MYO9A: variants seen among roughly 807,000 people sequenced by gnomAD.
The protein encoded by MYO9A is myosin IXA.
A neutral mutation model predicts 293.3 loss-of-function variants in MYO9A; 103 were observed. The ratio of observed to expected loss-of-function variants is 0.35; its 90% CI spans 0.30 to 0.41. The LOEUF (loss-of-function observed/expected upper bound fraction) is 0.41. MYO9A is among the 10% of genes least tolerant of loss of function. MYO9A has a pLI of 1.00. For missense variants in MYO9A, 2,685 were observed against 3,033.0 expected, an observed-to-expected ratio of 0.89 and a Z score of 2.69; for synonymous variants, 1,001 against 1,035.7, an observed-to-expected ratio of 0.97 and a Z score of 0.64.
At chr15:72,103,335 GCAGAAGCAGCAGCAAGCAGAGA>G (rs1474925051) in intron 1 of MYO9A, among the ~76,000 whole-genome samples, 4 of 149,020 alleles carry the variant, frequency 2.7e-5, no homozygotes, top group Admixed American at 2.7e-4. Flanking sequence ...AGCAGCAGAA[GCAGAAGCAGCAGCAAGCAGAGA>G]CAGAAGCAGC....
At chr15:71,948,178 T>C (rs2058965536) in intron 15 of MYO9A, among the ~76,000 whole-genome samples, 2 of 152,268 alleles carry the variant, frequency 1.3e-5, no homozygotes, top group African/African-American at 4.8e-5. Context: ...TATCAATTTG[T>C]GGACATATTT....
chr15:71,932,270 A>G (rs936519630), intron 18 of MYO9A, among the ~76,000 whole-genome samples: 1 of 151,948 alleles, frequency 6.6e-6, no homozygotes, highest in Non-Finnish European at 1.5e-5. Context: ...ATCTTGGGGG[A>G]AAAAAGTGGG....
Position 71,933,652 on chromosome 15 carries a change from A to C in MYO9A, c.2562+18T>G. 6.3e-7 allele frequency: 1 copy of C among 1,598,514 alleles called. No individual in the cohort carries two copies. The stretch of plus-strand genomic sequence containing the variant: ...TGTAGCAGAATACCAATACAAAAAA[A>C]GTTTTCATAGTACTCACCTTTGGAA... On this transcript the variant is annotated intron_variant, in intron 18 of 41. Coordinates refer to ENST00000356056, the MANE Select transcript of MYO9A (RefSeq NM_006901.4).
chr15:72,101,900 C>A (rs1343266838), intron 1 of MYO9A, among the ~76,000 whole-genome samples: 1 of 151,974 alleles, frequency 6.6e-6, no homozygotes, highest in African/African-American at 2.4e-5. Context: ...AGCGGCCCCG[C>A]CCGGGAGGTG....
chr15:71,943,734 C>T (rs62025574), intron 15 of MYO9A, among the ~76,000 whole-genome samples: 29,657 of 151,982 alleles, frequency 0.2, 3,169 homozygotes, highest in East Asian at 0.41. Flanking sequence ...ACTTGCTCTC[C>T]ACACAGATTG....
At chr15:71,982,269 C>T (rs2148016224) in intron 11 of MYO9A, among the ~76,000 whole-genome samples, 1 of 152,108 alleles carries the variant, frequency 6.6e-6, no homozygotes, top group African/African-American at 2.4e-5. Flanking sequence ...ATCTGCCCAC[C>T]TCAGCCTCCC....
At chr15:71,958,906 T>C (rs1333776354) in intron 14 of MYO9A, 2 of 152,202 alleles carry the variant, frequency 1.3e-5, no homozygotes, top group African/African-American at 2.4e-5. Flanking sequence ...ACAGATAATG[T>C]GAATAAAGTA....
intron 6 of MYO9A, among the ~76,000 whole-genome samples, chr15:72,015,172 T>C (rs2077294562): frequency 6.6e-6 from 1 of 151,726 alleles, no homozygotes. Context: ...AACAGAAAAA[T>C]ATATGCAGAG....
intron 1 of MYO9A, among the ~76,000 whole-genome samples, chr15:72,085,027 TTGAC>T (rs1302145559): frequency 1.3e-5 from 2 of 152,244 alleles, no homozygotes; most frequent in Admixed American, 6.5e-5. Flanking sequence ...TCCTGCCTGA[TTGAC>T]TGTCTTATTT....
At chr15:71,866,537 T>A (rs938418463) in intron 32 of MYO9A, among the ~76,000 whole-genome samples, 4 of 151,890 alleles carry the variant, frequency 2.6e-5, no homozygotes, top group Non-Finnish European at 2.9e-5. Flanking sequence ...TTTTTTTTTT[T>A]AAACCTGTAT....
chr15:72,056,505 C>T (rs919391470), intron 1 of MYO9A, among the ~76,000 whole-genome samples: 4 of 152,182 alleles, frequency 2.6e-5, no homozygotes, highest in African/African-American at 9.7e-5. Flanking sequence ...AACCAAACAT[C>T]GTATGTTCTC....
At chr15:72,105,749 C>G (rs1411577302) in intron 1 of MYO9A, among the ~76,000 whole-genome samples, 1 of 152,096 alleles carries the variant, frequency 6.6e-6, no homozygotes, top group Non-Finnish European at 1.5e-5. Flanking sequence ...TCAGGTGATC[C>G]ACCGGCCTCG....
At chr15:71,831,093 A>G (rs2054707028) in intron 39 of MYO9A, among the ~76,000 whole-genome samples, 1 of 150,810 alleles carries the variant, frequency 6.6e-6, no homozygotes, top group Non-Finnish European at 1.5e-5. Context: ...AACTCAACAT[A>G]TGCTAGAAGG....
chr15:72,051,665 GC>G (rs2078568576), intron 1 of MYO9A, among the ~76,000 whole-genome samples: 1 of 152,192 alleles, frequency 6.6e-6, no homozygotes, highest in African/African-American at 2.4e-5. Context: ...CACTGTCACA[GC>G]CTGGCCAAGT....
chr15:71,890,381 T>C (rs2057141300), intron 26 of MYO9A: 1 of 152,188 alleles, frequency 6.6e-6, no homozygotes, highest in Non-Finnish European at 1.5e-5. Flanking sequence ...GCTTTAAATC[T>C]GGGGGATGAT....
chr15:71,931,339 C>T (rs1055809991), intron 18 of MYO9A, among the ~76,000 whole-genome samples: 1 of 152,140 alleles, frequency 6.6e-6, no homozygotes, highest in Non-Finnish European at 1.5e-5. Flanking sequence ...TTGTTATCTC[C>T]TTTTCATTTT....
intron 2 of MYO9A, among the ~76,000 whole-genome samples, chr15:72,040,554 T>TG (rs2078197069): frequency 6.6e-6 from 1 of 152,206 alleles, no homozygotes; most frequent in African/African-American, 2.4e-5. Flanking sequence ...CCCTTCTATG[T>TG]GTCTGCGAGC....
chr15:72,103,469 A>AGCAGAAGCAGAAGCAGC (rs1450323596), intron 1 of MYO9A, among the ~76,000 whole-genome samples: 2 of 143,694 alleles, frequency 1.4e-5, no homozygotes, highest in Non-Finnish European at 3.1e-5. Context: ...AAGAAGCAGC[A>AGCAGAAGCAGAAGCAGC]GCAGAAGCAG....
In MYO9A at chr15:71,878,242, TAAGAA is replaced by T. The variant is rs535455631; in HGVS notation, c.5740-16_5740-12del. 6.4e-5 allele frequency: 96 copies of T among 1,506,920 alleles called. No homozygotes were observed. The African/African-American group carries it at 1.1e-3, about 17-fold the overall frequency. The allele number at this position is 1,506,920 out of a possible 1,614,324, so 93.3% of individuals were successfully genotyped here. A position where few individuals can be genotyped will look rare whatever the true frequency, so the allele number is the denominator to read the frequency against. On this transcript the variant is annotated splice_polypyrimidine_tract_variant and intron_variant, in intron 30 of 41. Transcript: ENST00000356056. ...TTTCCCATCATCCATCTATAAGCAA[TAAGAA>T]AAGAAATGTATGGTTTTATAAAGAA...
Sources: gnomAD v4.1 joint callset for allele counts (sites outside exome capture counted in the v4.1 genomes callset) on GRCh38, gnomAD v4.1.1 for gene constraint, MANE v1.5 for transcripts, NCBI Gene and HGNC (gene_info 2026-07-23, HGNC 2026-07-21) for gene names.